Variants in TNR observed in about 807,000 individuals in gnomAD.
The protein encoded by TNR is tenascin-R.
TNR carries 45 observed loss-of-function variants against 150.4 expected under a neutral mutation model. The observed-to-expected ratio is 0.30, with a 90% confidence interval of 0.24 to 0.38. The LOEUF (loss-of-function observed/expected upper bound fraction) is 0.38. Among genes scored for constraint, TNR ranks in the 10% least tolerant of loss-of-function variants. The pLI, the probability that TNR is intolerant of heterozygous loss-of-function variation, is 1.00. For synonymous variants in TNR, 687 were observed against 678.4 expected (o/e 1.01, Z -0.20); for missense variants, 1,544 against 1,759.1 (o/e 0.88, Z 2.19).
At chr1:175,355,683 C>T in intron 16 of TNR, 50 bp from the exon 17 acceptor site, 1 of 1,607,630 alleles carries the variant, frequency 6.2e-7, no homozygotes, top group Non-Finnish European at 8.5e-7. Flanking sequence ...CAGCTCCTCC[C>T]CCTGCTTGAT....
At chr1:175,602,840 C>A (rs1282301598) in intron 1 of TNR, among the ~76,000 whole-genome samples, 3 of 152,100 alleles carry the variant, frequency 2.0e-5, no homozygotes, top group Non-Finnish European at 4.4e-5. Flanking sequence ...GCTCCGAGAC[C>A]AACAAACAGC....
intron 1 of TNR, among the ~76,000 whole-genome samples, chr1:175,679,222 A>C (rs925091711): frequency 1.3e-5 from 2 of 152,252 alleles, no homozygotes; most frequent in Non-Finnish European, 2.9e-5. Context: ...GCAAAGCTGC[A>C]ACATCACTCA....
chr1:175,692,051 G>A (rs543200480), intron 1 of TNR, among the ~76,000 whole-genome samples: 1 of 152,224 alleles, frequency 6.6e-6, no homozygotes, highest in African/African-American at 2.4e-5. Context: ...AAAGTAGTTC[G>A]GTTCCCATGA....
At chr1:175,589,917 A>G (rs1662731305) in intron 1 of TNR, among the ~76,000 whole-genome samples, 1 of 152,330 alleles carries the variant, frequency 6.6e-6, no homozygotes, top group African/African-American at 2.4e-5. Context: ...TAATGGGTGC[A>G]GCAAACCACC....
intron 1 of TNR, among the ~76,000 whole-genome samples, chr1:175,669,515 C>A (rs1249938861): frequency 1.3e-5 from 2 of 152,220 alleles, no homozygotes; most frequent in East Asian, 3.8e-4. Flanking sequence ...AACAGTTAAT[C>A]ATATTTTAGT....
At chr1:175,625,788 C>T (rs1480070323) in intron 1 of TNR, among the ~76,000 whole-genome samples, 1 of 152,230 alleles carries the variant, frequency 6.6e-6, no homozygotes, top group Non-Finnish European at 1.5e-5. Flanking sequence ...CAGCAAGGGT[C>T]TCTGAGCCTT....
intron 1 of TNR, among the ~76,000 whole-genome samples, chr1:175,685,621 G>T (rs143000540): frequency 4.6e-5 from 7 of 152,024 alleles, no homozygotes. Context: ...TCAATTTGTC[G>T]CCTTTAAAGG....
chr1:175,680,115 C>T (rs1571745127), intron 1 of TNR, among the ~76,000 whole-genome samples: 1 of 152,208 alleles, frequency 6.6e-6, no homozygotes, highest in African/African-American at 2.4e-5. Flanking sequence ...AGGGCACTCC[C>T]CAGCCCCAGA....
intron 1 of TNR, among the ~76,000 whole-genome samples, chr1:175,535,459 G>T (rs1330795042): frequency 1.0e-3 from 159 of 151,766 alleles, no homozygotes; most frequent in African/African-American, 3.8e-3. Context: ...TGTTGTTGTT[G>T]TTGTTGTTGT....
chr1:175,704,488 T>C (rs996133594), intron 1 of TNR, among the ~76,000 whole-genome samples: 3 of 152,232 alleles, frequency 2.0e-5, no homozygotes, highest in Non-Finnish European at 2.9e-5. Flanking sequence ...TAGGTAGATA[T>C]TCTGTGTGAA....
chr1:175,398,992 A>G (rs1041451209), intron 4 of TNR, among the ~76,000 whole-genome samples: 1 of 152,210 alleles, frequency 6.6e-6, no homozygotes, highest in African/African-American at 2.4e-5. Context: ...TCAAACCCTG[A>G]TGTTCTACAG....
chr1:175,473,032 T>C (rs1287693887), intron 2 of TNR, among the ~76,000 whole-genome samples: 2 of 152,226 alleles, frequency 1.3e-5, no homozygotes, highest in Admixed American at 1.3e-4. Flanking sequence ...AGGTGGCTGC[T>C]TTAAAATAAG....
intron 12 of TNR, among the ~76,000 whole-genome samples, 168 bp from the exon 13 acceptor site, chr1:175,363,995 G>A (rs1432505613): frequency 1.3e-5 from 2 of 152,194 alleles, no homozygotes; most frequent in Admixed American, 1.3e-4. Flanking sequence ...TGTTTCACTT[G>A]AAACCTTGTA....
chr1:175,652,431 A>G (rs992220274), intron 1 of TNR, among the ~76,000 whole-genome samples: 1 of 152,076 alleles, frequency 6.6e-6, no homozygotes, highest in Non-Finnish European at 1.5e-5. Context: ...AGAAGTTACT[A>G]TCTGTATTTA....
At chr1:175,419,730 C>T (rs953776165) in intron 2 of TNR, among the ~76,000 whole-genome samples, 1 of 152,180 alleles carries the variant, frequency 6.6e-6, no homozygotes, top group Non-Finnish European at 1.5e-5. Flanking sequence ...GATCCACCGA[C>T]CTCAGCCTCC....
intron 18 of TNR, among the ~76,000 whole-genome samples, chr1:175,342,584 G>C (rs761727454): frequency 1.2e-4 from 18 of 152,248 alleles, no homozygotes; most frequent in Non-Finnish European, 2.6e-4. Context: ...TGTGGAGAAT[G>C]AATTAGATGG....
chr1:175,518,325 C>T (rs1659497238), intron 2 of TNR, among the ~76,000 whole-genome samples: 1 of 152,178 alleles, frequency 6.6e-6, no homozygotes, highest in Non-Finnish European at 1.5e-5. Flanking sequence ...AGGGCCAGGT[C>T]TAGTGAACGT....
intron 1 of TNR, among the ~76,000 whole-genome samples, chr1:175,545,389 T>C (rs947437834): frequency 3.5e-5 from 5 of 142,604 alleles, no homozygotes; most frequent in African/African-American, 1.3e-4. Flanking sequence ...TTTAATGATG[T>C]TGACTGTGAA....
At chr1:175,331,923 G>T (rs907354269) in intron 20 of TNR, among the ~76,000 whole-genome samples, 1 of 152,198 alleles carries the variant, frequency 6.6e-6, no homozygotes, top group Non-Finnish European at 1.5e-5. Flanking sequence ...TTGAGACTTA[G>T]AGCTTTACCT....
Sources: gnomAD v4.1 joint callset for allele counts (sites outside exome capture counted in the v4.1 genomes callset) on GRCh38, gnomAD v4.1.1 for gene constraint, MANE v1.5 for transcripts, NCBI Gene and HGNC (gene_info 2026-07-23, HGNC 2026-07-21) for gene names.